UBAC1: variants seen among roughly 807,000 people sequenced by gnomAD.
The protein encoded by UBAC1 is UBA domain containing 1.
UBAC1 carries 27 observed loss-of-function variants against 45.9 expected under a neutral mutation model. The observed-to-expected ratio is 0.59, with a 90% CI of 0.43 to 0.81. The LOEUF is 0.81. Among genes scored for constraint, UBAC1 ranks in the 30% least tolerant of loss-of-function variants. The pLI is 0.00. For missense variants in UBAC1, 529 were observed against 539.2 expected, an observed-to-expected ratio of 0.98 and a Z score of 0.19; for synonymous variants, 227 against 215.5, an observed-to-expected ratio of 1.05 and a Z score of -0.47.
intron 3 of UBAC1, among the ~76,000 whole-genome samples, chr9:135,953,103 G>A (rs962215387): frequency 3.9e-5 from 6 of 152,138 alleles, no homozygotes; most frequent in African/African-American, 1.4e-4. Context: ...CACGCAGGAT[G>A]TGTCCCTACC....
chr9:135,951,057 C>G (rs924283150), intron 3 of UBAC1, among the ~76,000 whole-genome samples: 4 of 152,046 alleles, frequency 2.6e-5, no homozygotes, highest in Admixed American at 2.6e-4. Context: ...GAGATCGTAC[C>G]ACACACTCCA....
At position 135,947,901 on chromosome 9, in the gene UBAC1, T is replaced by C. The variant is rs932111249; in HGVS notation, c.338A>G (p.Lys113Arg). 54 of 1,613,560 alleles carry C rather than the reference T, an allele frequency of 3.3e-5. No individual in the cohort carries two copies. The highest frequency in any genetic ancestry group is 4.6e-5 in the Non-Finnish European group (54 of 1,179,824). The change falls in exon 4 of 10, where the codon AAA (lysine) becomes AGA (arginine). Residue 113 changes from lysine to arginine, a missense_variant. Transcript: ENST00000371756. ...MADVSAEEKK[K>R]QDQKAPDKEA... is the part of the protein sequence containing the mutation. ...TTTATCTGGAGCTTTCTGGTCTTGT[T>C]TTTTCTACACAGAAACGTAATCAGA...
chr9:135,950,649 A>G (rs1839395888), intron 3 of UBAC1, among the ~76,000 whole-genome samples: 1 of 152,246 alleles, frequency 6.6e-6, no homozygotes, highest in African/African-American at 2.4e-5. Flanking sequence ...GATCTTCAAC[A>G]TTATGATCTA....
At chr9:135,944,689 G>A (rs73668047) in intron 7 of UBAC1, among the ~76,000 whole-genome samples, 4,781 of 152,292 alleles carry the variant, frequency 0.031, 246 homozygotes, top group African/African-American at 0.11. Context: ...CTGCCGAACA[G>A]GGGGGGCTTG....
intron 3 of UBAC1, among the ~76,000 whole-genome samples, chr9:135,950,626 A>G (rs1417408326): frequency 6.6e-6 from 1 of 152,364 alleles, no homozygotes; most frequent in East Asian, 1.9e-4. Flanking sequence ...TATACTAGTA[A>G]TGAAAACCCT....
chr9:135,958,868 C>T (rs1246686232), intron 1 of UBAC1, among the ~76,000 whole-genome samples: 3 of 152,210 alleles, frequency 2.0e-5, no homozygotes, highest in Admixed American at 6.5e-5. Flanking sequence ...GTGAAAATCC[C>T]CTGCTACTCA....
At position 135,933,053 on chromosome 9, in the gene UBAC1, C is replaced by T. The variant is rs186876435; in HGVS notation, c.*347G>A. On this transcript the variant is annotated 3_prime_UTR_variant, in exon 10 of 10. Coordinates refer to ENST00000371756, the MANE Select transcript of UBAC1 (RefSeq NM_016172.3). The stretch of plus-strand genomic sequence containing the variant: ...CTTGACATTAACTCTGGGTTGAAAC[C>T]TACCTCCGTCAAATAACAAGTGGAC... 307 of 200,862 alleles carry T rather than the reference C, an allele frequency of 1.5e-3. 1 individual carries two copies. The highest frequency in any genetic ancestry group is 3.0e-3 in the South Asian group (21 of 7,116). 12.4% of individuals were successfully genotyped at this position (200,862 alleles called of 1,614,324 possible).
chr9:135,938,449 C>A, intron 8 of UBAC1, 89 bp from the exon 9 acceptor site: 1 of 1,502,230 alleles, frequency 6.7e-7, no homozygotes, highest in Non-Finnish European at 8.9e-7. Flanking sequence ...GCTCCTGCAC[C>A]TTTCTGTGAG....
chr9:135,934,502 T>C (rs1431493113), intron 9 of UBAC1, among the ~76,000 whole-genome samples: 3 of 151,940 alleles, frequency 2.0e-5, no homozygotes, highest in Non-Finnish European at 4.4e-5. Context: ...CTACTAAAAA[T>C]ATAAAAAATT....
At chr9:135,953,150 C>T (rs1395797972) in intron 3 of UBAC1, among the ~76,000 whole-genome samples, 1 of 152,208 alleles carries the variant, frequency 6.6e-6, no homozygotes. Context: ...GGCAGGTTTT[C>T]CGTGCTGGTC....
Position 135,961,246 on chromosome 9 carries a change from G to T in UBAC1, c.-84C>A. ...GGCGGGCGGGGAGGGGGCGGGGCCA[G>T]ACCGCCCGCGCGCTCCTTCGCTGGG... On this transcript the variant is annotated 5_prime_UTR_variant, in exon 1 of 10. The change creates a new upstream start codon in the 5' untranslated region. Transcript: ENST00000371756. 2 of 1,240,666 alleles carry T rather than the reference G, an allele frequency of 1.6e-6. No homozygotes were observed. The highest frequency in any genetic ancestry group is 2.0e-6 in the Non-Finnish European group (2 of 982,100). 76.9% of individuals were successfully genotyped at this position (1,240,666 alleles called of 1,614,324 possible).
intron 3 of UBAC1, among the ~76,000 whole-genome samples, chr9:135,951,285 G>A (rs371273147): frequency 6.6e-6 from 1 of 151,902 alleles, no homozygotes; most frequent in Admixed American, 6.6e-5. Flanking sequence ...AGTATTATTC[G>A]ACCTTTTAAA....
intron 3 of UBAC1, among the ~76,000 whole-genome samples, chr9:135,950,067 GAC>G (rs530318155): frequency 2.6e-5 from 4 of 152,294 alleles, no homozygotes; most frequent in Admixed American, 2.6e-4. Context: ...ACCGCCGGAA[GAC>G]CTCAGAAGCA....
chr9:135,945,590 G>T, intron 6 of UBAC1: 1 of 529,828 alleles, frequency 1.9e-6, no homozygotes, highest in South Asian at 2.8e-5. Flanking sequence ...CACAGAAGCA[G>T]GGCAAGTAAC....
In UBAC1 at chr9:135,960,925, G is replaced by A. The variant is rs975357874; in HGVS notation, c.138+100C>T. The A allele has an allele frequency of 1.3e-5, 14 of 1,118,144 alleles. No homozygotes were observed. In the African/African-American group the frequency reaches 2.1e-4, roughly 17 times the overall value. 69.3% of individuals were successfully genotyped at this position (1,118,144 alleles called of 1,614,324 possible). A position where few individuals can be genotyped will look rare whatever the true frequency, so the allele number is the denominator to read the frequency against. On this transcript the variant is annotated intron_variant, in intron 1 of 9. Transcript: ENST00000371756. ...AGGGCCTGGGAGCTGCGGACTGGGC[G>A]GCGGACCCCAGGTCGGGGCGGTTCG...
At chr9:135,937,383 G>A (rs1325523131) in intron 9 of UBAC1, among the ~76,000 whole-genome samples, 2 of 150,534 alleles carry the variant, frequency 1.3e-5, no homozygotes, top group African/African-American at 4.9e-5. Context: ...GGAGGTTGCA[G>A]TGGGCCGAGA....
rs1388714662 is a variant in UBAC1 at position 135,961,363 on chromosome 9, G to A, written c.-201C>T. Reference sequence around the variant, plus strand: ...CGCTCCCGCCGCCGCAGCAGCCGCCGGGGGCGCGCCGTCGCGGCCGCACCG... The same window carrying A: ...CGCTCCCGCCGCCGCAGCAGCCGCCAGGGGCGCGCCGTCGCGGCCGCACCG... On this transcript the variant is annotated 5_prime_UTR_variant, in exon 1 of 10. Transcript: ENST00000371756. 9 of 205,272 alleles carry A rather than the reference G, an allele frequency of 4.4e-5. No homozygotes were observed. The highest frequency in any genetic ancestry group is 6.8e-5 in the Non-Finnish European group (8 of 116,894). The allele number at this position is 205,272 out of a possible 1,614,324, so 12.7% of individuals were successfully genotyped here.
At chr9:135,959,705 C>T (rs1440537784) in intron 1 of UBAC1, among the ~76,000 whole-genome samples, 3 of 152,136 alleles carry the variant, frequency 2.0e-5, no homozygotes, top group African/African-American at 4.8e-5. Flanking sequence ...CACAACTAGA[C>T]AAGCAACACC....
intron 7 of UBAC1, among the ~76,000 whole-genome samples, chr9:135,943,656 C>T (rs992764423): frequency 1.3e-5 from 2 of 152,132 alleles, no homozygotes; most frequent in Non-Finnish European, 2.9e-5. Flanking sequence ...TATGTGCACA[C>T]GTATGTTCAC....
Sources: allele counts gnomAD v4.1 joint callset (sites outside exome capture counted in the v4.1 genomes callset), GRCh38; gene constraint gnomAD v4.1.1; transcripts MANE v1.5; gene names NCBI Gene and HGNC (gene_info 2026-07-23, HGNC 2026-07-21).